The following TAF15 variants were observed in gnomAD, a reference collection of about 807,000 sequenced individuals.
TAF15 encodes the protein TATA-binding protein-associated factor 2N.
TAF15 carries 37 observed loss-of-function variants against 102.5 expected under a neutral mutation model. That is an observed-to-expected ratio of 0.36 (90% CI 0.28 to 0.47). TAF15 has a LOEUF of 0.47. Ranked by LOEUF, TAF15 falls within the 20% of genes least tolerant of loss-of-function variation. The probability of loss-of-function intolerance (pLI) is 0.99; values close to 1 mark genes in which losing one functional copy is unlikely to be tolerated. For synonymous variants in TAF15, 273 were observed against 259.2 expected (o/e 1.05, Z -0.51); for missense variants, 652 against 760.7 (o/e 0.86, Z 1.68).
intron 10 of TAF15, among the ~76,000 whole-genome samples, chr17:35,837,860 C>G (rs1199713227): frequency 1.3e-5 from 2 of 152,042 alleles, no homozygotes; most frequent in South Asian, 2.1e-4. Context: ...GAAGCATTAT[C>G]TACATTTAAT....
Position 35,809,535 on chromosome 17 carries a change from C to G in TAF15, c.-35C>G. On this transcript the variant is annotated 5_prime_UTR_variant, in exon 1 of 16. Transcript: ENST00000605844. ...TGGCTTTCGTATTCGTTGTTCTCGG[C>G]GGGCTGTGGGGCCTCCGCGCCGCGG... 1 of 1,612,848 alleles carries G rather than the reference C, an allele frequency of 6.2e-7. No individual in the cohort carries two copies. Among genetic ancestry groups the G allele is most frequent in the African/African-American group, 1.3e-5 (1 of 75,010 alleles).
intron 15 of TAF15, among the ~76,000 whole-genome samples, chr17:35,846,295 C>T (rs750102999): frequency 3.3e-5 from 5 of 152,282 alleles, no homozygotes; most frequent in Middle Eastern, 3.4e-3. Flanking sequence ...GCTAATAAGA[C>T]GTCCTTTTTA....
chr17:35,829,564 G>A (rs1223056691), intron 7 of TAF15, among the ~76,000 whole-genome samples: 5 of 118,744 alleles, frequency 4.2e-5, no homozygotes, highest in Admixed American at 7.8e-5. Flanking sequence ...CCCAGGAGGC[G>A]GAGGTTGCAG....
At chr17:35,846,836 A>C in intron 15 of TAF15, 70 bp from the exon 16 acceptor site, 1 of 1,540,564 alleles carries the variant, frequency 6.5e-7, no homozygotes, top group Non-Finnish European at 9.0e-7. Flanking sequence ...TAGTACCCTG[A>C]AGAAGTGTCT....
intron 11 of TAF15, among the ~76,000 whole-genome samples, chr17:35,839,833 C>A (rs183199233): frequency 6.6e-6 from 1 of 151,978 alleles, no homozygotes; most frequent in Non-Finnish European, 1.5e-5. Flanking sequence ...TTTTGTCTTA[C>A]GGTATTTTTC....
chr17:35,836,304 T>C, intron 10 of TAF15, 63 bp downstream of exon 10: 1 of 1,206,398 alleles, frequency 8.3e-7, no homozygotes, highest in Non-Finnish European at 1.2e-6. Context: ...ATACATAGAC[T>C]ATGTAGTAAG....
Position 35,844,712 on chromosome 17 carries a change from T to C in TAF15, c.1413T>C (p.Tyr471=), listed in dbSNP as rs2087594808. 1.9e-6 allele frequency: 3 copies of C among 1,597,854 alleles called. No homozygotes were observed. The highest frequency in any genetic ancestry group is 2.6e-6 in the Non-Finnish European group (3 of 1,171,996). The part of the protein sequence containing the change: ...GGYGGDRGGG[Y]GGDRGGGYGG... ...ATGGTGGGGACAGAGGAGGCGGCTA[T>C]GGAGGAGACCGAGGAGGTGGCTATG... The change falls in exon 15 of 16, where the codon TAT becomes TAC. Residue 471 remains tyrosine, a synonymous_variant. Coordinates refer to ENST00000605844, the MANE Select transcript of TAF15 (RefSeq NM_139215.3).
chr17:35,821,149 T>C (rs903442391), intron 5 of TAF15, among the ~76,000 whole-genome samples: 1 of 152,192 alleles, frequency 6.6e-6, no homozygotes, highest in African/African-American at 2.4e-5. Flanking sequence ...CTGAGGTCTC[T>C]AGTGTTTTCT....
At position 35,845,028 on chromosome 17, in the gene TAF15, A is replaced by G; in HGVS notation, c.1729A>G (p.Met577Val). 6.2e-7 allele frequency: 1 copy of G among 1,613,870 alleles called. No individual in the cohort carries two copies. The highest frequency in any genetic ancestry group is 8.5e-7 in the Non-Finnish European group (1 of 1,179,902). ...AGACCGAGGTGGCTATGGAGGCAAA[A>G]TGGGAGGAAGGTGAGTATTAGAATG... Reference protein sequence around the residue: ...GGDRGGYGGKMGGRNDYRNDQ... With the variant: ...GGDRGGYGGKVGGRNDYRNDQ... The change falls in exon 15 of 16, where the codon ATG becomes GTG. Residue 577 changes from methionine (M) to valine (V), a missense_variant. By Grantham distance (21) the Met-to-Val change is conservative. This residue lies in a region of TAF15 where 368 missense variants were observed against 367.5 expected (regional missense o/e 1.00). Transcript: ENST00000605844.
chr17:35,827,376 A>G (rs2087343983), intron 7 of TAF15, among the ~76,000 whole-genome samples: 1 of 151,864 alleles, frequency 6.6e-6, no homozygotes, highest in African/African-American at 2.4e-5. Context: ...GGCTGTTTGA[A>G]GAATATCTGG....
chr17:35,835,018 A>G (rs2087457669), intron 9 of TAF15, among the ~76,000 whole-genome samples: 1 of 151,920 alleles, frequency 6.6e-6, no homozygotes, highest in Non-Finnish European at 1.5e-5. Flanking sequence ...TGCTGGGAAT[A>G]CAGGTGTGAG....
intron 6 of TAF15, 23 bp from the exon 7 acceptor site, chr17:35,824,055 G>A: frequency 6.2e-7 from 1 of 1,614,012 alleles, no homozygotes; most frequent in Non-Finnish European, 8.5e-7. Flanking sequence ...GGTTATTTGT[G>A]TGTAATATTT....
At chr17:35,835,500 GTT>G (rs1477341775) in intron 9 of TAF15, among the ~76,000 whole-genome samples, 1 of 152,150 alleles carries the variant, frequency 6.6e-6, no homozygotes, top group Non-Finnish European at 1.5e-5. Context: ...CAGAACTTTT[GTT>G]TTTATTAAGA....
At chr17:35,817,089 A>G (rs2087204898) in intron 1 of TAF15, 1 of 152,490 alleles carries the variant, frequency 6.6e-6, no homozygotes, top group Non-Finnish European at 1.5e-5. Flanking sequence ...TGTGTGAGCC[A>G]CCATGCCCGG....
At chr17:35,832,620 A>G (rs947702616) in intron 7 of TAF15, among the ~76,000 whole-genome samples, 4 of 151,470 alleles carry the variant, frequency 2.6e-5, no homozygotes, top group Admixed American at 1.3e-4. Context: ...TCAGTATTTT[A>G]GATTAGATTC....
chr17:35,822,511 A>G (rs2143766320), intron 5 of TAF15, 129 bp from the exon 6 acceptor site: 1 of 805,678 alleles, frequency 1.2e-6, no homozygotes, highest in South Asian at 1.7e-5. Flanking sequence ...ACTAATTACC[A>G]TGAGAAGGTA....
chr17:35,820,210 A>T lies in TAF15; in HGVS notation c.146A>T (p.Asn49Ile). 1 of 1,614,132 alleles carries T rather than the reference A, an allele frequency of 6.2e-7. No homozygotes were observed. The highest frequency in any genetic ancestry group is 8.5e-7 in the Non-Finnish European group (1 of 1,179,956). The change falls in exon 4 of 16, where the codon AAC becomes ATC. Residue 49 changes from asparagine (N) to isoleucine (I), a missense_variant. Coordinates refer to ENST00000605844, the MANE Select transcript of TAF15 (RefSeq NM_139215.3). ...GQTTDSSYGQ[N>I]YSGYSSYGQS... The stretch of plus-strand genomic sequence containing the variant: ...ACGACTGATTCCTCTTATGGACAGA[A>T]CTACAGCGGTTACTCCAGTTATGGA...
chr17:35,835,212 TTAA>T (rs2087459878), intron 9 of TAF15, among the ~76,000 whole-genome samples: 1 of 152,200 alleles, frequency 6.6e-6, no homozygotes, highest in Non-Finnish European at 1.5e-5. Flanking sequence ...GCAAATCAGA[TTAA>T]TGAAAGAATT....
intron 7 of TAF15, among the ~76,000 whole-genome samples, chr17:35,826,416 G>T (rs28595279): frequency 0.27 from 40,430 of 151,976 alleles, 6,390 homozygotes; most frequent in African/African-American, 0.44. Flanking sequence ...TTCTGGGTTT[G>T]GTGAACCATA....
Sources: allele counts gnomAD v4.1 joint callset (sites outside exome capture counted in the v4.1 genomes callset), GRCh38; gene constraint gnomAD v4.1.1; regional missense constraint gnomAD v4.1.1; transcripts MANE v1.5; gene names NCBI Gene and HGNC (gene_info 2026-07-23, HGNC 2026-07-21).